The following TMEM117 variants were observed in gnomAD, a reference collection of about 807,000 sequenced individuals.
TMEM117 encodes transmembrane protein 117.
TMEM117 carries 27 observed loss-of-function variants against 52.4 expected under a neutral mutation model. The observed-to-expected ratio is 0.51, with a 90% confidence interval of 0.38 to 0.71. TMEM117 has a LOEUF of 0.71. TMEM117 is among the 30% of genes least tolerant of loss of function. The probability of loss-of-function intolerance (pLI) is 0.00; values close to 1 mark genes in which losing one functional copy is unlikely to be tolerated. For synonymous variants in TMEM117, 215 were observed against 206.3 expected (o/e 1.04, Z -0.36); for missense variants, 556 against 630.5 (o/e 0.88, Z 1.26).
intron 6 of TMEM117, among the ~76,000 whole-genome samples, chr12:44,315,300 T>G (rs186135320): frequency 3.2e-4 from 49 of 152,258 alleles, no homozygotes; most frequent in African/African-American, 9.1e-4. Context: ...AGCTTTGGAG[T>G]TAGTTTATTC....
chr12:43,966,941 G>A (rs1405321955), intron 3 of TMEM117, among the ~76,000 whole-genome samples: 2 of 152,146 alleles, frequency 1.3e-5, no homozygotes, highest in Non-Finnish European at 2.9e-5. Flanking sequence ...TAGGACTAAA[G>A]AAGAGTCCCT....
chr12:44,235,532 C>T (rs1003409231), intron 5 of TMEM117, among the ~76,000 whole-genome samples: 13 of 151,616 alleles, frequency 8.6e-5, no homozygotes, highest in Non-Finnish European at 3.0e-5. Flanking sequence ...TTATACTCCC[C>T]TATCAGTATA....
intron 3 of TMEM117, among the ~76,000 whole-genome samples, chr12:43,947,596 G>T (rs1945154388): frequency 6.6e-6 from 1 of 152,208 alleles, no homozygotes; most frequent in Admixed American, 6.5e-5. Context: ...TGAGCACACA[G>T]ACATCACAAG....
the TMEM117 span, chr12:43,804,614 TATAA>T: frequency 2.0e-5 from 27 of 1,348,944 alleles, no homozygotes; most frequent in South Asian, 3.2e-4. Context: ...TATACTTACA[TATAA>T]ATACTTTCCT....
Position 44,268,289 on chromosome 12 carries a change from C to T in TMEM117, c.609-31291C>T, listed in dbSNP as rs111694150. Reference sequence around the variant, plus strand: ...AGTAGCTAGGACTGCAGACATGCACCGCCATGCCTGGCTAATTTTTTTTTT... The same window carrying T: ...AGTAGCTAGGACTGCAGACATGCACTGCCATGCCTGGCTAATTTTTTTTTT... On this transcript the variant is annotated intron_variant, in intron 5 of 7. Transcript: ENST00000266534. 5.1e-3 allele frequency among the ~76,000 whole-genome samples: 778 copies of T among 152,068 alleles called. 6 individuals are homozygous for T. Among genetic ancestry groups the T allele is most frequent in the African/African-American group, 0.018 (736 of 41,472 alleles).
intron 3 of TMEM117, among the ~76,000 whole-genome samples, chr12:43,974,717 T>G (rs1444259427): frequency 6.6e-6 from 1 of 152,186 alleles, no homozygotes; most frequent in African/African-American, 2.4e-5. Flanking sequence ...TATCATGTAT[T>G]TAATATAATT....
chr12:44,106,748 T>A (rs1317937914), intron 3 of TMEM117, among the ~76,000 whole-genome samples: 1 of 151,958 alleles, frequency 6.6e-6, no homozygotes, highest in Non-Finnish European at 1.5e-5. Flanking sequence ...TCTAAATAAT[T>A]GATACCACAG....
intron 5 of TMEM117, among the ~76,000 whole-genome samples, chr12:44,262,329 G>A (rs530468508): frequency 1.3e-5 from 2 of 152,234 alleles, no homozygotes; most frequent in African/African-American, 4.8e-5. Flanking sequence ...AATATAGCAA[G>A]AAAACTTTAT....
intron 5 of TMEM117, among the ~76,000 whole-genome samples, chr12:44,230,734 A>G (rs1178363322): frequency 6.6e-6 from 1 of 151,962 alleles, no homozygotes; most frequent in Non-Finnish European, 1.5e-5. Flanking sequence ...CTCAAAGCTG[A>G]TATTATGCGT....
intron 6 of TMEM117, among the ~76,000 whole-genome samples, chr12:44,316,752 A>G (rs1356233580): frequency 1.3e-5 from 2 of 151,944 alleles, no homozygotes; most frequent in African/African-American, 2.4e-5. Context: ...ACATAATCCC[A>G]TATTTTTCAG....
intron 4 of TMEM117, among the ~76,000 whole-genome samples, chr12:44,211,032 G>T (rs73272262): frequency 6.6e-6 from 1 of 151,898 alleles, no homozygotes; most frequent in Non-Finnish European, 1.5e-5. Context: ...TCTTATATCC[G>T]GTAATCTTAA....
At chr12:43,844,558 C>G (rs778693194) in intron 1 of TMEM117, 66 bp from the exon 2 acceptor site, 2 of 1,373,392 alleles carry the variant, frequency 1.5e-6, no homozygotes, top group African/African-American at 1.5e-5. Flanking sequence ...TAAACCTGAA[C>G]TGATAAAAAG....
chr12:44,096,932 A>G (rs559909738), intron 3 of TMEM117, among the ~76,000 whole-genome samples: 3 of 151,982 alleles, frequency 2.0e-5, no homozygotes, highest in Admixed American at 2.0e-4. Flanking sequence ...CAGGCAACCT[A>G]CAGAATGGGA....
chr12:44,307,145 G>A (rs1258438913), intron 6 of TMEM117, among the ~76,000 whole-genome samples: 1 of 152,176 alleles, frequency 6.6e-6, no homozygotes, highest in African/African-American at 2.4e-5. Flanking sequence ...CGTTAGTAGA[G>A]CATTTCTTTT....
chr12:43,906,790 G>A (rs1592351133), intron 2 of TMEM117, among the ~76,000 whole-genome samples: 2 of 152,362 alleles, frequency 1.3e-5, no homozygotes, highest in South Asian at 2.1e-4. Flanking sequence ...TTTCCGACAG[G>A]CTTAAAAAAC....
intron 6 of TMEM117, among the ~76,000 whole-genome samples, chr12:44,319,671 C>T (rs560344625): frequency 2.6e-4 from 40 of 152,140 alleles, no homozygotes; most frequent in Non-Finnish European, 3.4e-4. Context: ...TTTCTGATGA[C>T]GTAAATACAA....
intron 4 of TMEM117, among the ~76,000 whole-genome samples, chr12:44,185,869 TAC>T (rs3065433): frequency 0.12 from 16,321 of 134,790 alleles, 836 homozygotes; most frequent in South Asian, 0.16. Context: ...CTAAAAGACA[TAC>T]ACACACACAC....
chr12:44,154,918 T>G (rs2138237584), intron 4 of TMEM117, among the ~76,000 whole-genome samples: 1 of 152,148 alleles, frequency 6.6e-6, no homozygotes, highest in South Asian at 2.1e-4. Flanking sequence ...CAACTTCAAT[T>G]GACTATTTCT....
the TMEM117 span, among the ~76,000 whole-genome samples, chr12:43,829,158 T>C: frequency 6.6e-6 from 1 of 152,142 alleles, no homozygotes; most frequent in Non-Finnish European, 1.5e-5. Flanking sequence ...GTATCTAAAT[T>C]CTCCTTATCC....
Sources: allele counts gnomAD v4.1 joint callset (sites outside exome capture counted in the v4.1 genomes callset), GRCh38; gene constraint gnomAD v4.1.1; transcripts MANE v1.5; gene names NCBI Gene and HGNC (gene_info 2026-07-23, HGNC 2026-07-21).